The following DOCK1 variants were observed in gnomAD, a reference collection of about 807,000 sequenced individuals.
The protein encoded by DOCK1 is dedicator of cytokinesis 1, also known as dedicator of cytokinesis protein 1.
A neutral mutation model predicts 262.7 loss-of-function variants in DOCK1; 138 were observed. The observed-to-expected ratio is 0.53, with a 90% CI of 0.46 to 0.61. The LOEUF is 0.61. DOCK1 is among the 20% of genes least tolerant of loss of function. DOCK1 has a pLI of 0.00. For missense variants in DOCK1, 1,908 were observed against 2,370.7 expected, an observed-to-expected ratio of 0.80 and a Z score of 4.05; for synonymous variants, 866 against 867.4, an observed-to-expected ratio of 1.00 and a Z score of 0.03.
At chr10:127,153,387 C>T (rs1002231799) in intron 27 of DOCK1, among the ~76,000 whole-genome samples, 4 of 152,236 alleles carry the variant, frequency 2.6e-5, no homozygotes, top group African/African-American at 4.8e-5. Context: ...GGATTCTGCC[C>T]GGAGACAGGC....
At chr10:126,933,756 C>T (rs2034352912) in intron 1 of DOCK1, among the ~76,000 whole-genome samples, 1 of 152,034 alleles carries the variant, frequency 6.6e-6, no homozygotes, top group Admixed American at 6.6e-5. Context: ...TGCTGAGGGG[C>T]CATTTGAACC....
At chr10:127,275,395 G>A (rs2060706387) in intron 29 of DOCK1, among the ~76,000 whole-genome samples, 1 of 152,184 alleles carries the variant, frequency 6.6e-6, no homozygotes, top group Non-Finnish European at 1.5e-5. Flanking sequence ...GAGTGGAGTG[G>A]CAGAGGAGGA....
chr10:127,431,727 C>T (rs2069302795), intron 47 of DOCK1, among the ~76,000 whole-genome samples: 1 of 152,204 alleles, frequency 6.6e-6, no homozygotes, highest in Admixed American at 6.5e-5. Context: ...GCAGGCCATG[C>T]TCATTCATTT....
At chr10:127,030,840 C>G (rs1402149193) in intron 16 of DOCK1, among the ~76,000 whole-genome samples, 1 of 151,604 alleles carries the variant, frequency 6.6e-6, no homozygotes, top group East Asian at 1.9e-4. Context: ...ATCTCTGTCT[C>G]TCTGTCACAC....
In DOCK1 at chr10:127,012,661, C is replaced by T. The variant is rs1165419679; in HGVS notation, c.1201+287C>T. On this transcript the variant is annotated intron_variant, in intron 12 of 51. Coordinates refer to ENST00000623213, the MANE Select transcript of DOCK1 (RefSeq NM_001290223.2). The surrounding 1 kb of genome is among the most constrained non-coding windows in gnomAD (Gnocchi z 4.0). ...CAGGCGGTAGGCGTAACTCCCTCTG[C>T]CCGTGTTGTGTGCTAATCTTTGCCT... 6.6e-6 allele frequency among the ~76,000 whole-genome samples: 1 copy of T among 152,184 alleles called. No homozygotes were observed. The highest frequency in any genetic ancestry group is 1.9e-4 in the East Asian group (1 of 5,184).
intron 36 of DOCK1, 112 bp from the exon 37 acceptor site, chr10:127,381,166 A>C: frequency 1.2e-6 from 1 of 843,508 alleles, no homozygotes; most frequent in Non-Finnish European, 1.7e-6. Context: ...GAACATTGTA[A>C]AAAGGAAGTG....
At chr10:126,940,868 C>G (rs1236623532) in intron 1 of DOCK1, among the ~76,000 whole-genome samples, 1 of 152,164 alleles carries the variant, frequency 6.6e-6, no homozygotes, top group Non-Finnish European at 1.5e-5. Context: ...TCTATCTTAT[C>G]AGGGAAATCA....
At chr10:126,998,516 G>T in intron 8 of DOCK1, 1 of 348,430 alleles carries the variant, frequency 2.9e-6, no homozygotes. Context: ...TATCTTAAGA[G>T]TGTAGCTGAA....
chr10:127,093,837 T>G (rs2047737718), intron 23 of DOCK1, among the ~76,000 whole-genome samples: 1 of 152,126 alleles, frequency 6.6e-6, no homozygotes, highest in South Asian at 2.1e-4. Flanking sequence ...CCTGAGTAAT[T>G]TATAATGAAC....
intron 36 of DOCK1, 103 bp from the exon 37 acceptor site, chr10:127,381,175 T>C: frequency 1.1e-6 from 1 of 913,556 alleles, no homozygotes; most frequent in Non-Finnish European, 1.6e-6. Flanking sequence ...AAAAAGGAAG[T>C]GTAGCCATGA....
intron 27 of DOCK1, among the ~76,000 whole-genome samples, chr10:127,230,592 C>G (rs2058803965): frequency 6.6e-6 from 1 of 151,944 alleles, no homozygotes. Context: ...GATTTATTTC[C>G]AGGCTCTCTA....
chr10:127,432,924 C>G (rs566160702), intron 47 of DOCK1, among the ~76,000 whole-genome samples: 2 of 152,250 alleles, frequency 1.3e-5, no homozygotes, highest in South Asian at 2.1e-4. Context: ...ATCTAAAGAT[C>G]GAAAGACTCT....
intron 29 of DOCK1, among the ~76,000 whole-genome samples, chr10:127,309,498 T>C (rs2061988401): frequency 6.6e-6 from 1 of 152,234 alleles, no homozygotes; most frequent in African/African-American, 2.4e-5. Context: ...GGCATTTTGA[T>C]CATGAAGTCT....
chr10:127,274,691 T>C (rs1043996032), intron 29 of DOCK1, among the ~76,000 whole-genome samples: 1 of 152,154 alleles, frequency 6.6e-6, no homozygotes, highest in Non-Finnish European at 1.5e-5. Flanking sequence ...TGGTGGAAAG[T>C]TTAAAGATAA....
rs533351311 is a variant in DOCK1 at position 126,975,319 on chromosome 10, C to T, written c.131-2629C>T. Among the ~76,000 whole-genome samples, 4 of 152,290 alleles carry T rather than the reference C, an allele frequency of 2.6e-5. No individual in the cohort carries two copies. In the East Asian group the frequency reaches 5.8e-4, roughly 22 times the overall value. ...TGCCCTGAGCATCCCATGTCCATCT[C>T]ACTCTGCAGGGCACACAGATGTCTT... On this transcript the variant is annotated intron_variant, in intron 2 of 51. Coordinates refer to ENST00000623213, the MANE Select transcript of DOCK1 (RefSeq NM_001290223.2).
intron 27 of DOCK1, among the ~76,000 whole-genome samples, chr10:127,201,682 C>G (rs774933643): frequency 6.6e-6 from 1 of 151,984 alleles, no homozygotes; most frequent in African/African-American, 2.4e-5. Context: ...TCTGGCTCTC[C>G]CCTCTCCCCT....
chr10:126,920,555 G>T (rs1422886463), intron 1 of DOCK1, among the ~76,000 whole-genome samples: 1 of 152,164 alleles, frequency 6.6e-6, no homozygotes, highest in Non-Finnish European at 1.5e-5. Flanking sequence ...TGAAATCAAA[G>T]TATATAATAT....
chr10:127,063,397 C>T (rs1222107160), intron 23 of DOCK1, among the ~76,000 whole-genome samples: 1 of 152,104 alleles, frequency 6.6e-6, no homozygotes, highest in Non-Finnish European at 1.5e-5. Context: ...TGAATCAAGT[C>T]GGAGCCTACC....
intron 24 of DOCK1, among the ~76,000 whole-genome samples, chr10:127,108,233 C>G (rs1208477438): frequency 6.6e-6 from 1 of 152,076 alleles, no homozygotes; most frequent in African/African-American, 2.4e-5. Context: ...AGTCCACTAC[C>G]CAAAAGAATC....
Sources: allele counts gnomAD v4.1 joint callset (sites outside exome capture counted in the v4.1 genomes callset), GRCh38; gene constraint gnomAD v4.1.1; non-coding constraint Gnocchi (gnomAD v3.1); transcripts MANE v1.5; gene names NCBI Gene and HGNC (gene_info 2026-07-23, HGNC 2026-07-21).